DNAH14: variants seen among roughly 807,000 people sequenced by gnomAD.
DNAH14 encodes dynein axonemal heavy chain 14.
In DNAH14, 478 loss-of-function variants were observed where a neutral mutation model predicts 520.9. The observed-to-expected ratio is 0.92, with a 90% CI of 0.85 to 0.99. The LOEUF (loss-of-function observed/expected upper bound fraction) is 0.99, where lower values mean the gene tolerates loss of function less well. Among genes scored for constraint, DNAH14 ranks in the 50% least tolerant of loss-of-function variants. The pLI, the probability that DNAH14 is intolerant of heterozygous loss-of-function variation, is 0.00. For synonymous variants in DNAH14, 1,581 were observed against 1,757.2 expected (o/e 0.90, Z 2.51); for missense variants, 4,831 against 5,234.5 (o/e 0.92, Z 2.38).
chr1:224,956,242 A>G (rs1036988932), intron 3 of DNAH14, among the ~76,000 whole-genome samples: 1 of 152,024 alleles, frequency 6.6e-6, no homozygotes, highest in Admixed American at 6.6e-5. Context: ...GTCTGCCAAA[A>G]TTAGTGTTTC....
chr1:225,104,634 A>C (rs113417438), intron 23 of DNAH14, among the ~76,000 whole-genome samples: 11,089 of 152,112 alleles, frequency 0.073, 630 homozygotes, highest in East Asian at 0.24. Context: ...GTGTCAAGGA[A>C]TTTATCCATT....
chr1:225,246,154 G>A (rs1164974816), intron 43 of DNAH14, among the ~76,000 whole-genome samples: 1 of 149,430 alleles, frequency 6.7e-6, no homozygotes, highest in Non-Finnish European at 1.5e-5. Context: ...AATAAATGGT[G>A]TTGGGAAAAC....
chr1:225,303,287 A>G lies in DNAH14; in HGVS notation c.8763A>G (p.Glu2921=). 6.4e-7 allele frequency: 1 copy of G among 1,551,552 alleles called. No individual in the cohort carries two copies. The highest frequency in any genetic ancestry group is 8.7e-7 in the Non-Finnish European group (1 of 1,146,858). The change falls in exon 57 of 86, where the codon GAA becomes GAG. Residue 2921 remains glutamate (E), a synonymous_variant. Transcript: ENST00000682510. ...TIDWYERWPE[E]ALLIVANSFL... ...ATTGGTATGAGAGGTGGCCAGAAGAAGCTCTCCTTATTGTAGCTAACTCAT... is the reference window on the plus strand; with the variant it reads ...ATTGGTATGAGAGGTGGCCAGAAGAGGCTCTCCTTATTGTAGCTAACTCAT...
intron 1 of DNAH14, among the ~76,000 whole-genome samples, chr1:224,950,736 A>G (rs999548577): frequency 1.3e-5 from 2 of 152,240 alleles, no homozygotes; most frequent in Non-Finnish European, 2.9e-5. Flanking sequence ...TTGTATGTCT[A>G]CAAGCTAAGA....
intron 77 of DNAH14, 35 bp from the exon 78 acceptor site, chr1:225,374,653 T>C: frequency 6.7e-7 from 1 of 1,488,442 alleles, no homozygotes; most frequent in Non-Finnish European, 9.0e-7. Flanking sequence ...TGGAAACACA[T>C]ACTGAAATAA....
chr1:225,335,176 T>G (rs574926056), intron 66 of DNAH14, among the ~76,000 whole-genome samples: 2 of 139,118 alleles, frequency 1.4e-5, no homozygotes, highest in East Asian at 2.0e-4. Flanking sequence ...CATGTGTACA[T>G]GTGCGCATGT....
At chr1:225,248,599 A>ATGTCAGTATATG (rs1353028491) in intron 43 of DNAH14, among the ~76,000 whole-genome samples, 5 of 152,234 alleles carry the variant, frequency 3.3e-5, no homozygotes, top group Non-Finnish European at 1.5e-5. Flanking sequence ...AACAGAGTAT[A>ATGTCAGTATATG]TACCCAGGTC....
At chr1:225,055,433 AC>A (rs1419246275) in intron 17 of DNAH14, among the ~76,000 whole-genome samples, 1 of 152,176 alleles carries the variant, frequency 6.6e-6, no homozygotes, top group Admixed American at 6.5e-5. Flanking sequence ...ATCATAGTTT[AC>A]TGTAACCTCA....
At chr1:225,208,834 C>T (rs185322003) in intron 41 of DNAH14, among the ~76,000 whole-genome samples, 4 of 152,192 alleles carry the variant, frequency 2.6e-5, no homozygotes, top group Admixed American at 2.6e-4. Flanking sequence ...ATTGACTTGT[C>T]CTCCAATTTA....
chr1:225,245,198 T>C (rs1046810910), intron 43 of DNAH14, among the ~76,000 whole-genome samples: 3 of 152,238 alleles, frequency 2.0e-5, no homozygotes, highest in Non-Finnish European at 4.4e-5. Flanking sequence ...TTGATTGCAA[T>C]GTGGTCTGAG....
chr1:225,163,779 T>A (rs971628107), intron 35 of DNAH14, among the ~76,000 whole-genome samples: 2 of 152,182 alleles, frequency 1.3e-5, no homozygotes, highest in African/African-American at 4.8e-5. Context: ...AGAATTTTCA[T>A]GTCAATGTCC....
At chr1:225,281,589 G>C (rs942649870) in intron 54 of DNAH14, among the ~76,000 whole-genome samples, 2 of 151,382 alleles carry the variant, frequency 1.3e-5, no homozygotes, top group African/African-American at 4.8e-5. Context: ...CACAGACTAT[G>C]TAAATATATT....
At chr1:225,173,095 T>A (rs138642415) in intron 36 of DNAH14, among the ~76,000 whole-genome samples, 4,021 of 152,250 alleles carry the variant, frequency 0.026, 158 homozygotes, top group African/African-American at 0.08. Context: ...TTACACCTTA[T>A]ACAAAAATTA....
At chr1:224,946,820 A>AT (rs1312226779) in intron 1 of DNAH14, among the ~76,000 whole-genome samples, 3 of 112,524 alleles carry the variant, frequency 2.7e-5, no homozygotes, top group Admixed American at 8.6e-5. Context: ...ATCTAATTTC[A>AT]TTTTTTTCCC....
chr1:225,318,789 T>C, intron 61 of DNAH14, 112 bp downstream of exon 61: 1 of 1,034,134 alleles, frequency 9.7e-7, no homozygotes. Flanking sequence ...ATATTCCATT[T>C]CTTAATCTTG....
chr1:225,337,574 T>C, intron 67 of DNAH14, 78 bp downstream of exon 67: 4 of 1,127,224 alleles, frequency 3.5e-6, no homozygotes, highest in Non-Finnish European at 5.2e-6. Flanking sequence ...GCTAAAAGTT[T>C]TCAGTGACAG....
intron 35 of DNAH14, among the ~76,000 whole-genome samples, chr1:225,164,539 T>A (rs1029402479): frequency 4.6e-5 from 7 of 152,164 alleles, no homozygotes; most frequent in Admixed American, 3.3e-4. Flanking sequence ...TTACTGTTAT[T>A]ATTGAATTTA....
chr1:225,003,672 A>G (rs1206343462), intron 9 of DNAH14, among the ~76,000 whole-genome samples: 2 of 152,078 alleles, frequency 1.3e-5, no homozygotes, highest in African/African-American at 4.8e-5. Flanking sequence ...TGAGTGAATA[A>G]AAGAATAAAC....
At chr1:225,330,244 G>C (rs1337826541) in intron 64 of DNAH14, among the ~76,000 whole-genome samples, 1 of 152,128 alleles carries the variant, frequency 6.6e-6, no homozygotes, top group Non-Finnish European at 1.5e-5. Flanking sequence ...GAACAGTTTG[G>C]AGGTTCCTCA....
Sources: gnomAD v4.1 joint callset for allele counts (sites outside exome capture counted in the v4.1 genomes callset) on GRCh38, gnomAD v4.1.1 for gene constraint, MANE v1.5 for transcripts, NCBI Gene and HGNC (gene_info 2026-07-23, HGNC 2026-07-21) for gene names.